The following NUGGC variants were observed in gnomAD, a reference collection of about 807,000 sequenced individuals.
NUGGC encodes nuclear GTPase, germinal center associated.
In NUGGC, 58 loss-of-function variants were observed where a neutral mutation model predicts 92.6. The ratio of observed to expected loss-of-function variants is 0.63; its 90% CI spans 0.51 to 0.78. NUGGC has a LOEUF of 0.78. NUGGC is among the 30% of genes least tolerant of loss of function. The pLI is 0.00. For missense variants in NUGGC, 925 were observed against 964.6 expected, an observed-to-expected ratio of 0.96 and a Z score of 0.54; for synonymous variants, 376 against 366.4, an observed-to-expected ratio of 1.03 and a Z score of -0.30.
chr8:28,023,808 A>G (rs1563211145), intron 18 of NUGGC, among the ~76,000 whole-genome samples: 1 of 151,270 alleles, frequency 6.6e-6, no homozygotes, highest in Admixed American at 6.6e-5. Context: ...CCCAATCCCT[A>G]TCCTCCCAGC....
chr8:28,072,936 G>C (rs1237626360), intron 2 of NUGGC, among the ~76,000 whole-genome samples: 1 of 151,532 alleles, frequency 6.6e-6, no homozygotes, highest in Non-Finnish European at 1.5e-5. Flanking sequence ...GCTGCCACAA[G>C]GTGTCAGTTT....
chr8:28,068,792 A>G (rs1810513574), intron 4 of NUGGC, among the ~76,000 whole-genome samples: 1 of 151,986 alleles, frequency 6.6e-6, no homozygotes, highest in African/African-American at 2.4e-5. Flanking sequence ...GCTGGAGTGC[A>G]GTGGTGCAAT....
Position 28,041,168 on chromosome 8 carries a change from C to A in NUGGC, c.1494G>T (p.Lys498Asn). 1 of 1,611,356 alleles carries A rather than the reference C, an allele frequency of 6.2e-7. No individual in the cohort carries two copies. The highest frequency in any genetic ancestry group is 8.5e-7 in the Non-Finnish European group (1 of 1,178,984). Reference sequence around the variant, plus strand: ...CGATGGCCTTCTCCAGCAGCTCAACCTTCTCTTCCGCAAATCTCCGCAGGA... The same window carrying A: ...CGATGGCCTTCTCCAGCAGCTCAACATTCTCTTCCGCAAATCTCCGCAGGA... ...MSVLRRFAEE[K>N]VELLEKAIAQ... The change falls in exon 13 of 19, where the codon AAG (lysine) becomes AAT (asparagine). Residue 498 changes from lysine to asparagine, a missense_variant. By Grantham distance (94) the Lys-to-Asn change is moderately conservative. Transcript: ENST00000413272.
Position 28,064,746 on chromosome 8 carries a change from C to G in NUGGC, c.712-15G>C. Reference sequence around the variant, plus strand: ...AGCTCTTCTGCCTGAAGAAGGAGGACAGAGTCACACACACCAGCCATGCAC... The same window carrying G: ...AGCTCTTCTGCCTGAAGAAGGAGGAGAGAGTCACACACACCAGCCATGCAC... On this transcript the variant is annotated splice_polypyrimidine_tract_variant and intron_variant, in intron 6 of 18. Coordinates refer to ENST00000413272, the MANE Select transcript of NUGGC (RefSeq NM_001010906.2). The G allele has an allele frequency of 1.2e-6, 2 of 1,608,768 alleles. No homozygotes were observed. Among genetic ancestry groups the G allele is most frequent in the Non-Finnish European group, 8.5e-7 (1 of 1,175,540 alleles).
chr8:28,079,164 GT>G (rs1029551484), intron 1 of NUGGC, among the ~76,000 whole-genome samples: 1 of 151,802 alleles, frequency 6.6e-6, no homozygotes, highest in African/African-American at 2.4e-5. Flanking sequence ...TTTGCTTATT[GT>G]TTTTTTTCTT....
intron 1 of NUGGC, among the ~76,000 whole-genome samples, chr8:28,081,302 G>T (rs913213043): frequency 6.6e-6 from 1 of 152,014 alleles, no homozygotes; most frequent in Non-Finnish European, 1.5e-5. Flanking sequence ...CTGGGCAACA[G>T]AGCGAGACTC....
chr8:28,029,253 G>T lies in NUGGC; in HGVS notation c.2154+13C>A. The T allele has an allele frequency of 6.2e-7, 1 of 1,600,062 alleles. No individual in the cohort carries two copies. The highest frequency in any genetic ancestry group is 8.5e-7 in the Non-Finnish European group (1 of 1,173,108). Reference sequence around the variant, plus strand: ...TCTCGGGGTCTAGGATCCAGGATGTGGGCATAGAGTACCTTCAGCTGCTGA... The same window carrying T: ...TCTCGGGGTCTAGGATCCAGGATGTTGGCATAGAGTACCTTCAGCTGCTGA... On this transcript the variant is annotated intron_variant, in intron 17 of 18. Transcript: ENST00000413272.
intron 6 of NUGGC, 28 bp from the exon 7 acceptor site, chr8:28,064,759 A>G: frequency 6.3e-7 from 1 of 1,590,444 alleles, no homozygotes; most frequent in Non-Finnish European, 8.6e-7. Context: ...AGTCACACAC[A>G]CCAGCCATGC....
intron 1 of NUGGC, among the ~76,000 whole-genome samples, chr8:28,076,866 A>T (rs530727857): frequency 6.6e-6 from 1 of 152,216 alleles, no homozygotes; most frequent in Non-Finnish European, 1.5e-5. Context: ...GTAGAAATAG[A>T]TCCACTAGGT....
chr8:28,060,496 G>T lies in NUGGC; in HGVS notation c.1027C>A (p.Arg343=). ...LLNESIKACQ[R]GFCRDVALVV... ...AGGGCCACGTCCCTACAGAAGCCCC[G>T]CTGGCAGGCTTTGATGCTCTCATTC... The change falls in exon 8 of 19, where the codon CGG becomes AGG. Residue 343 remains arginine, a synonymous_variant. Transcript: ENST00000413272. 3 of 1,613,846 alleles carry T rather than the reference G, an allele frequency of 1.9e-6. No homozygotes were observed. Among genetic ancestry groups the T allele is most frequent in the Non-Finnish European group, 2.5e-6 (3 of 1,179,832 alleles).
At chr8:28,060,333 C>G in intron 8 of NUGGC, 93 bp downstream of exon 8, 1 of 1,252,398 alleles carries the variant, frequency 8.0e-7, no homozygotes, top group Non-Finnish European at 1.2e-6. Flanking sequence ...CCTCTAACCA[C>G]GTTACAAAGT....
intron 14 of NUGGC, among the ~76,000 whole-genome samples, chr8:28,032,673 G>A (rs1439286976): frequency 4.0e-5 from 6 of 149,670 alleles, no homozygotes; most frequent in Admixed American, 6.7e-5. Context: ...AGCTGAGATC[G>A]CGCCACTGCA....
At position 28,047,520 on chromosome 8, in the gene NUGGC, G is replaced by A. The variant is rs745691967; in HGVS notation, c.1299C>T (p.Thr433=). 3.0e-5 allele frequency: 46 copies of A among 1,549,154 alleles called. No individual in the cohort carries two copies. The highest frequency in any genetic ancestry group is 2.1e-4 in the East Asian group (9 of 41,938). ...AACATAAATTACCCGTTTCCTCCTC[G>A]GTGAGGAGAGCCTGCTGCCAGTACT... ...AQEYWQQALL[T]EEETEIPKLR... Residue 433 remains threonine, a synonymous_variant, in exon 11 of 19, where the codon ACC becomes ACT. Transcript: ENST00000413272.
chr8:28,033,617 C>T lies in NUGGC; in HGVS notation c.1692G>A (p.Leu564=), dbSNP rs1283490335. 1 of 1,613,992 alleles carries T rather than the reference C, an allele frequency of 6.2e-7. No homozygotes were observed. Among genetic ancestry groups the T allele is most frequent in the Admixed American group, 1.7e-5 (1 of 60,022 alleles). ...GGGCTTCATTTAGATCAATTCTCGC[C>T]AGAGTCCTGGAGGCATAGATGCCAT... is the stretch of plus-strand genomic sequence containing the variant. ...LKNGIYASRT[L]ARIDLNEALT... The change falls in exon 14 of 19, where the codon CTG becomes CTA. Residue 564 remains leucine (L), a synonymous_variant. Transcript: ENST00000413272.
chr8:28,079,627 T>C (rs1181589647), intron 1 of NUGGC, among the ~76,000 whole-genome samples: 2 of 152,170 alleles, frequency 1.3e-5, no homozygotes, highest in Non-Finnish European at 1.5e-5. Flanking sequence ...CATAGTAAGA[T>C]TATGGCAATG....
At chr8:28,065,282 C>A (rs929275439) in intron 6 of NUGGC, among the ~76,000 whole-genome samples, 3 of 151,514 alleles carry the variant, frequency 2.0e-5, no homozygotes, top group Non-Finnish European at 4.4e-5. Flanking sequence ...TGCCTGACTC[C>A]CCAGGAGCTG....
Position 28,023,376 on chromosome 8 carries a change from G to T in NUGGC, c.2332C>A (p.Gln778Lys). 1 of 1,613,978 alleles carries T rather than the reference G, an allele frequency of 6.2e-7. No individual in the cohort carries two copies. Among genetic ancestry groups the T allele is most frequent in the Non-Finnish European group, 8.5e-7 (1 of 1,179,854 alleles). ...GGGGATGCCCTTAGGAGGAATTCTT[G>T]CATGCCCTTCCTCAGCCGTGCATTC... is the stretch of plus-strand genomic sequence containing the variant. ...AENARLRKGM[Q>K]EFLLRASPSK... Residue 778 changes from glutamine to lysine, a missense_variant, in exon 19 of 19, where the codon CAA becomes AAA. Physicochemically the swap from Gln to Lys is moderately conservative, Grantham distance 53 (BLOSUM62 1). Coordinates refer to ENST00000413272, the MANE Select transcript of NUGGC (RefSeq NM_001010906.2).
chr8:28,051,482 C>T (rs1809999640), intron 10 of NUGGC, among the ~76,000 whole-genome samples: 1 of 152,194 alleles, frequency 6.6e-6, no homozygotes, highest in Non-Finnish European at 1.5e-5. Flanking sequence ...CTGTAAATTC[C>T]ACTTGGGCAA....
At chr8:28,038,018 T>C (rs568573661) in intron 13 of NUGGC, among the ~76,000 whole-genome samples, 31 of 152,308 alleles carry the variant, frequency 2.0e-4, no homozygotes, top group African/African-American at 7.2e-4. Context: ...GCTGCAGCCA[T>C]TTTGCCATCA....
Sources: gnomAD v4.1 joint callset for allele counts (sites outside exome capture counted in the v4.1 genomes callset) on GRCh38, gnomAD v4.1.1 for gene constraint, MANE v1.5 for transcripts, NCBI Gene and HGNC (gene_info 2026-07-23, HGNC 2026-07-21) for gene names.